Variants in CSMD3 observed in about 807,000 individuals in gnomAD.
CSMD3 encodes CUB and sushi domain-containing protein 3.
Under a neutral mutation model 435.2 loss-of-function variants are expected in CSMD3, and 177 were observed. That is an observed-to-expected ratio of 0.41 (90% CI 0.36 to 0.46). The LOEUF is 0.46. Ranked by LOEUF, CSMD3 falls within the 20% of genes least tolerant of loss-of-function variation. CSMD3 has a pLI of 0.34. For synonymous variants in CSMD3, 1,656 were observed against 1,520.5 expected (o/e 1.09, Z -2.07); for missense variants, 4,265 against 4,504.6 (o/e 0.95, Z 1.52).
chr8:112,869,040 G>A (rs536285633), intron 10 of CSMD3, among the ~76,000 whole-genome samples: 3 of 152,142 alleles, frequency 2.0e-5, no homozygotes, highest in Non-Finnish European at 4.4e-5. Flanking sequence ...ATTGATAGGA[G>A]GAGAGAGTGG....
chr8:113,246,608 A>G (rs1415905602), intron 3 of CSMD3, among the ~76,000 whole-genome samples: 2 of 151,980 alleles, frequency 1.3e-5, no homozygotes, highest in Non-Finnish European at 2.9e-5. Context: ...CTTTTTTCCT[A>G]TTATGGGCCA....
chr8:112,302,000 G>T, intron 52 of CSMD3, 34 bp from the exon 53 acceptor site: 1 of 1,439,586 alleles, frequency 6.9e-7, no homozygotes, highest in Non-Finnish European at 9.7e-7. Flanking sequence ...AATCCTTAAA[G>T]ATATAGTCAA....
At chr8:112,629,533 A>C (rs1270768488) in intron 22 of CSMD3, among the ~76,000 whole-genome samples, 2 of 152,184 alleles carry the variant, frequency 1.3e-5, no homozygotes, top group Non-Finnish European at 2.9e-5. Context: ...TAAAATCATA[A>C]AGTATAGAAA....
chr8:113,090,053 G>C (rs1320930315), intron 5 of CSMD3, among the ~76,000 whole-genome samples: 1 of 152,078 alleles, frequency 6.6e-6, no homozygotes, highest in Non-Finnish European at 1.5e-5. Context: ...GAAGGGACCA[G>C]TGAGTTTAAA....
At chr8:112,743,488 A>G (rs1291097656) in intron 13 of CSMD3, among the ~76,000 whole-genome samples, 1 of 151,918 alleles carries the variant, frequency 6.6e-6, no homozygotes, top group Non-Finnish European at 1.5e-5. Flanking sequence ...AACAAGGAAA[A>G]AAGCCTAATA....
intron 13 of CSMD3, among the ~76,000 whole-genome samples, chr8:112,750,827 C>T (rs1298138319): frequency 6.6e-6 from 1 of 152,022 alleles, no homozygotes; most frequent in African/African-American, 2.4e-5. Flanking sequence ...ACAGTTGACC[C>T]TTGAACAGCA....
chr8:112,646,563 A>C (rs2131618157), intron 19 of CSMD3, among the ~76,000 whole-genome samples: 1 of 152,278 alleles, frequency 6.6e-6, no homozygotes, highest in South Asian at 2.1e-4. Context: ...GTAGAAGGGG[A>C]AACTTAAAGG....
intron 44 of CSMD3, 21 bp downstream of exon 44, chr8:112,336,631 A>G (rs745549313): frequency 2.6e-6 from 4 of 1,549,918 alleles, no homozygotes; most frequent in East Asian, 2.2e-5. Context: ...GAATAAATCA[A>G]TAACAATAGT....
intron 3 of CSMD3, among the ~76,000 whole-genome samples, chr8:113,244,727 T>C (rs1047920865): frequency 6.6e-6 from 1 of 152,324 alleles, no homozygotes; most frequent in South Asian, 2.1e-4. Context: ...TTGAGTTGTT[T>C]TGACCATAAA....
In CSMD3 at chr8:112,685,419, G is replaced by A. The variant is rs752388035; in HGVS notation, c.2469C>T (p.Asn823=). ...ACAGAAACTTACTGTTGTAAGTGAT[G>A]TTAAAGCCACGTCCTGACATTGAGT... ...ADHSMSGRGF[N]ITYNTFGHNE... is the part of the protein sequence containing the mutation. The change falls in exon 15 of 71, where the codon AAC becomes AAT. Residue 823 remains asparagine (N), a synonymous_variant. Coordinates refer to ENST00000297405, the MANE Select transcript of CSMD3 (RefSeq NM_198123.2). The A allele has an allele frequency of 2.5e-6, 4 of 1,613,560 alleles. No individual in the cohort carries two copies. Among genetic ancestry groups the A allele is most frequent in the Non-Finnish European group, 2.5e-6 (3 of 1,179,640 alleles).
chr8:113,132,861 T>A (rs1244081269), intron 4 of CSMD3, among the ~76,000 whole-genome samples: 1 of 152,180 alleles, frequency 6.6e-6, no homozygotes, highest in East Asian at 1.9e-4. Flanking sequence ...ATGCCTTTGT[T>A]ATGAACTGCA....
At chr8:113,286,632 G>T (rs1273930026) in intron 2 of CSMD3, among the ~76,000 whole-genome samples, 1 of 150,014 alleles carries the variant, frequency 6.7e-6, no homozygotes, top group Non-Finnish European at 1.5e-5. Flanking sequence ...TGTTTATTAG[G>T]TTTTAACTGT....
At chr8:113,103,999 T>C (rs920751196) in intron 4 of CSMD3, among the ~76,000 whole-genome samples, 1 of 152,072 alleles carries the variant, frequency 6.6e-6, no homozygotes, top group Non-Finnish European at 1.5e-5. Context: ...ATAATATAAA[T>C]TGGAACTTTT....
intron 27 of CSMD3, among the ~76,000 whole-genome samples, chr8:112,524,514 A>G (rs1246377822): frequency 2.0e-5 from 3 of 152,172 alleles, no homozygotes; most frequent in African/African-American, 7.2e-5. Context: ...TTATGGGGAC[A>G]CAAATATCAA....
intron 5 of CSMD3, among the ~76,000 whole-genome samples, chr8:113,095,145 T>G (rs1046032706): frequency 6.6e-6 from 1 of 152,132 alleles, no homozygotes; most frequent in South Asian, 2.1e-4. Flanking sequence ...AATTTATTCA[T>G]AATATCTGTT....
At chr8:112,636,488 G>GTCTA (rs5894093) in intron 22 of CSMD3, among the ~76,000 whole-genome samples, 73,318 of 151,054 alleles carry the variant, frequency 0.49, 18,326 homozygotes, top group African/African-American at 0.58. Context: ...CTGTCTATCT[G>GTCTA]TCTATCTATA....
chr8:113,201,037 T>A (rs1176157786), intron 3 of CSMD3, among the ~76,000 whole-genome samples: 1 of 151,838 alleles, frequency 6.6e-6, no homozygotes, highest in African/African-American at 2.4e-5. Flanking sequence ...ACTATTTGCA[T>A]CTCTCTCAGA....
intron 25 of CSMD3, among the ~76,000 whole-genome samples, chr8:112,556,015 C>T (rs1828084631): frequency 6.6e-6 from 1 of 151,976 alleles, no homozygotes; most frequent in African/African-American, 2.4e-5. Flanking sequence ...TATATGTTCT[C>T]TGCTGGAGAG....
At chr8:112,766,408 C>T (rs1278010823) in intron 13 of CSMD3, among the ~76,000 whole-genome samples, 2 of 151,410 alleles carry the variant, frequency 1.3e-5, no homozygotes, top group African/African-American at 2.4e-5. Context: ...TCATAATTTG[C>T]TGTGTCTTTC....
Sources: gnomAD v4.1 joint callset for allele counts (sites outside exome capture counted in the v4.1 genomes callset) on GRCh38, gnomAD v4.1.1 for gene constraint, MANE v1.5 for transcripts, NCBI Gene and HGNC (gene_info 2026-07-23, HGNC 2026-07-21) for gene names.